PLXDC2: variants seen among roughly 807,000 people sequenced by gnomAD.
The protein encoded by PLXDC2 is plexin domain-containing protein 2.
Under a neutral mutation model 68.9 loss-of-function variants are expected in PLXDC2, and 40 were observed. That is an observed-to-expected ratio of 0.58 (90% CI 0.45 to 0.76). PLXDC2 has a LOEUF of 0.76. Among genes scored for constraint, PLXDC2 ranks in the 30% least tolerant of loss-of-function variants. The pLI, the probability that PLXDC2 is intolerant of heterozygous loss-of-function variation, is 0.00. For missense variants in PLXDC2, 644 were observed against 661.9 expected (o/e 0.97, Z 0.30); for synonymous variants, 243 against 234.2 (o/e 1.04, Z -0.34).
At position 20,288,517 on chromosome 10, in the gene PLXDC2, G is replaced by C. The variant is rs1588563279; in HGVS notation, c.*8698G>C. 1 of 151,896 alleles carries C rather than the reference G, an allele frequency of 6.6e-6. No homozygotes were observed. The allele number at this position is 151,896 out of a possible 1,614,324, so 9.4% of individuals were successfully genotyped here. A position where few individuals can be genotyped will look rare whatever the true frequency, so the allele number is the denominator to read the frequency against. On this transcript the variant is annotated 3_prime_UTR_variant, in exon 14 of 14. Coordinates refer to ENST00000377252, the MANE Select transcript of PLXDC2 (RefSeq NM_032812.9). ...TGGTGTCTGAGAGCAAAAAGAGTGT[G>C]ACCTCTATTGGAAACCTTTGTTCAA...
intron 13 of PLXDC2, among the ~76,000 whole-genome samples, chr10:20,263,698 C>T (rs1835837176): frequency 2.0e-5 from 3 of 152,088 alleles, no homozygotes; most frequent in Admixed American, 2.0e-4. Flanking sequence ...GACATACATG[C>T]AGCCAAAAAG....
intron 1 of PLXDC2, among the ~76,000 whole-genome samples, chr10:19,881,579 T>C (rs1473657698): frequency 1.3e-5 from 2 of 152,190 alleles, no homozygotes; most frequent in Non-Finnish European, 2.9e-5. Context: ...ATGGACATCA[T>C]ATATATGATG....
intron 1 of PLXDC2, among the ~76,000 whole-genome samples, chr10:19,985,060 A>G (rs1296257967): frequency 1.3e-5 from 2 of 152,228 alleles, no homozygotes; most frequent in Admixed American, 1.3e-4. Flanking sequence ...AGCATCTTCT[A>G]CAGCTGCGAA....
rs749435110 is a variant in PLXDC2, at chr10:19,818,227, G to GGTGTGTGTGT, written c.112+1073_112+1082dup. Reference sequence around the variant, plus strand: ...TCAATTTGTCAATTTGTTCTTTTCTGGTGTGTGTGTGTGTGTGTGTGTGTG... The same window carrying GGTGTGTGTGT: ...TCAATTTGTCAATTTGTTCTTTTCTGGTGTGTGTGTGTGTGTGTGTGTGTGTGTGTGTGTG... On this transcript the variant is annotated intron_variant, in intron 1 of 13. Coordinates refer to ENST00000377252, the MANE Select transcript of PLXDC2 (RefSeq NM_032812.9). Among the ~76,000 whole-genome samples, 309 of 137,598 alleles carry GGTGTGTGTGT rather than the reference G, an allele frequency of 2.2e-3. 4 individuals carry two copies. Among genetic ancestry groups the GGTGTGTGTGT allele is most frequent in the African/African-American group, 5.1e-3 (183 of 35,932 alleles). 90.3% of individuals were successfully genotyped at this position (137,598 alleles called of 152,430 possible).
chr10:20,035,120 G>A (rs562290673), intron 2 of PLXDC2, among the ~76,000 whole-genome samples: 9 of 152,184 alleles, frequency 5.9e-5, no homozygotes, highest in South Asian at 4.1e-4. Flanking sequence ...TCTAACTTCC[G>A]TTTTGTAATC....
intron 13 of PLXDC2, among the ~76,000 whole-genome samples, chr10:20,275,466 T>C (rs530157104): frequency 1.3e-5 from 2 of 152,294 alleles, no homozygotes; most frequent in East Asian, 3.9e-4. Flanking sequence ...TTAGAAAGTA[T>C]AGGATTCATA....
In PLXDC2 at chr10:20,140,405, ATATCTATC is replaced by A. The variant is rs71390760; in HGVS notation, c.542-2861_542-2854del. 2.3e-3 allele frequency among the ~76,000 whole-genome samples: 29 copies of A among 12,542 alleles called. 1 individual carries two copies. In the South Asian group the frequency reaches 0.043, roughly 19 times the overall value. The allele number at this position is 12,542 out of a possible 152,430, so 8.2% of individuals were successfully genotyped here. A position where few individuals can be genotyped will look rare whatever the true frequency, so the allele number is the denominator to read the frequency against. On this transcript the variant is annotated intron_variant, in intron 4 of 13. Transcript: ENST00000377252. Reference sequence around the variant, plus strand: ...AAAATAACATATATATATATATAAAATATCTATCTATCTATCTATCTATCTATCTATCT... The same window carrying A: ...AAAATAACATATATATATATATAAAATATCTATCTATCTATCTATCTATCT...
At chr10:19,871,381 A>C (rs2131342998) in intron 1 of PLXDC2, among the ~76,000 whole-genome samples, 1 of 152,340 alleles carries the variant, frequency 6.6e-6, no homozygotes, top group South Asian at 2.1e-4. Flanking sequence ...TAGAAGACAG[A>C]CCATAGCATC....
intron 1 of PLXDC2, among the ~76,000 whole-genome samples, chr10:19,946,138 T>G (rs975340991): frequency 2.0e-5 from 3 of 152,336 alleles, no homozygotes; most frequent in South Asian, 2.1e-4. Flanking sequence ...AGCAGCTCAG[T>G]TGAATCTGCT....
chr10:19,852,513 G>C (rs1305317896), intron 1 of PLXDC2, among the ~76,000 whole-genome samples: 1 of 141,200 alleles, frequency 7.1e-6, no homozygotes, highest in Non-Finnish European at 1.5e-5. Flanking sequence ...ATTGTTCTAA[G>C]TTCAGTGGAA....
Position 19,973,275 on chromosome 10 carries a change from T to G in PLXDC2, c.113-28500T>G, listed in dbSNP as rs915691721. On this transcript the variant is annotated intron_variant, in intron 1 of 13. Transcript: ENST00000377252. ...ATGTATATATATACTCACAGATATA[T>G]GTATACACATACATATATATGTATA... Among the ~76,000 whole-genome samples the G allele has an allele frequency of 8.1e-4, 121 of 148,886 alleles. 1 individual carries two copies. The highest frequency in any genetic ancestry group is 2.9e-3 in the African/African-American group (118 of 40,896).
chr10:20,036,384 A>G (rs1835580115), intron 2 of PLXDC2, among the ~76,000 whole-genome samples: 1 of 152,182 alleles, frequency 6.6e-6, no homozygotes, highest in South Asian at 2.1e-4. Flanking sequence ...AGAGCCCTCA[A>G]TGAAAACAGA....
chr10:19,939,426 C>T (rs907661347), intron 1 of PLXDC2, among the ~76,000 whole-genome samples: 1 of 151,948 alleles, frequency 6.6e-6, no homozygotes, highest in Non-Finnish European at 1.5e-5. Flanking sequence ...AAGGGACAAC[C>T]CTGGTTAGGG....
chr10:19,952,127 T>C (rs984400382), intron 1 of PLXDC2, among the ~76,000 whole-genome samples: 2 of 152,142 alleles, frequency 1.3e-5, no homozygotes, highest in Non-Finnish European at 2.9e-5. Context: ...CCTGCACATG[T>C]ACTCCCTGAA....
At chr10:19,884,861 T>C (rs1288974317) in intron 1 of PLXDC2, among the ~76,000 whole-genome samples, 11 of 152,246 alleles carry the variant, frequency 7.2e-5, no homozygotes, top group Admixed American at 7.2e-4. Flanking sequence ...CCTTTGGGTA[T>C]ATACCCAGTA....
chr10:19,979,483 G>A (rs796609545), intron 1 of PLXDC2, among the ~76,000 whole-genome samples: 8 of 151,472 alleles, frequency 5.3e-5, no homozygotes, highest in African/African-American at 1.9e-4. Flanking sequence ...GGTTCAAGTG[G>A]TTCTCCTGCC....
chr10:20,032,717 A>T (rs1835519411), intron 2 of PLXDC2, among the ~76,000 whole-genome samples: 1 of 151,942 alleles, frequency 6.6e-6, no homozygotes, highest in Admixed American at 6.6e-5. Context: ...TATCCCTGGG[A>T]TTTATGTAGT....
intron 2 of PLXDC2, among the ~76,000 whole-genome samples, chr10:20,013,436 C>T (rs1835150940): frequency 6.6e-6 from 1 of 151,990 alleles, no homozygotes; most frequent in African/African-American, 2.4e-5. Context: ...GCTCCCTGAT[C>T]TTTTGTGGTT....
At chr10:19,989,093 C>T (rs1226939749) in intron 1 of PLXDC2, among the ~76,000 whole-genome samples, 3 of 152,096 alleles carry the variant, frequency 2.0e-5, no homozygotes, top group Non-Finnish European at 2.9e-5. Context: ...AGCCACCGCA[C>T]CTGGCCTAAT....
Sources: gnomAD v4.1 joint callset for allele counts (sites outside exome capture counted in the v4.1 genomes callset) on GRCh38, gnomAD v4.1.1 for gene constraint, MANE v1.5 for transcripts, NCBI Gene and HGNC (gene_info 2026-07-23, HGNC 2026-07-21) for gene names.